Variants in DNM1 observed in about 807,000 individuals in gnomAD.
DNM1 encodes the protein dynamin 1, also known as dynamin-1.
In DNM1, 29 loss-of-function variants were observed where a neutral mutation model predicts 104.6. The observed-to-expected ratio is 0.28, with a 90% CI of 0.21 to 0.38. DNM1 has a LOEUF of 0.38. Among genes scored for constraint, DNM1 ranks in the 10% least tolerant of loss-of-function variants. The pLI is 1.00. For synonymous variants in DNM1, 445 were observed against 475.8 expected, an observed-to-expected ratio of 0.94 and a Z score of 0.84; for missense variants, 640 against 1,189.4, an observed-to-expected ratio of 0.54 and a Z score of 6.79.
chr9:128,247,478 C>T lies in DNM1; in HGVS notation c.1885C>T (p.Arg629Cys), dbSNP rs772740654. The change falls in exon 17 of 22, where the codon CGT (arginine) becomes TGT (cysteine). Residue 629 changes from arginine (R) to cysteine (C), a missense_variant. By Grantham distance (180) the Arg-to-Cys change is radical. This residue lies in a region of DNM1 where 91 missense variants were observed against 256.3 expected (regional missense o/e 0.36). Coordinates refer to ENST00000372923, the MANE Select transcript of DNM1 (RefSeq NM_004408.4). This position sits in a 1 kb window ranked among gnomAD's most constrained non-coding sequence, Gnocchi z 5.1. ...SFLRAGVYPE[R>C]VGDKEKASET... ...CCTGAGGGCTGGCGTGTACCCTGAGCGTGTTGGGGTGAGTGGCAGGGCAAG... is the reference window on the plus strand; with the variant it reads ...CCTGAGGGCTGGCGTGTACCCTGAGTGTGTTGGGGTGAGTGGCAGGGCAAG... The T allele has an allele frequency of 1.9e-6, 3 of 1,607,780 alleles. No homozygotes were observed. Among genetic ancestry groups the T allele is most frequent in the Admixed American group, 1.7e-5 (1 of 59,814 alleles).
At chr9:128,211,388 AGTGC>A (rs1834285696) in intron 1 of DNM1, among the ~76,000 whole-genome samples, 1 of 150,932 alleles carries the variant, frequency 6.6e-6, no homozygotes, top group Admixed American at 6.6e-5. Context: ...AATATATTAC[AGTGC>A]GTGGGAAAAA....
chr9:128,239,884 G>GGGCT, intron 13 of DNM1, 101 bp from the exon 14 acceptor site: 1 of 1,575,110 alleles, frequency 6.3e-7, no homozygotes, highest in Non-Finnish European at 8.7e-7. Context: ...GGGGGCCAGG[G>GGGCT]ACCTGTCAGC....
chr9:128,222,281 G>A lies in DNM1; in HGVS notation c.934G>A (p.Glu312Lys). Residue 312 changes from glutamate to lysine, a missense_variant, in exon 7 of 22, where the codon GAG becomes AAG. Physicochemically the swap from Glu to Lys is moderately conservative, Grantham distance 56. Coordinates refer to ENST00000372923, the MANE Select transcript of DNM1 (RefSeq NM_004408.4). This position sits in a 1 kb window ranked among gnomAD's most constrained non-coding sequence, Gnocchi z 7.8. The part of the protein sequence containing the change: ...SQLLSIEKEV[E>K]EYKNFRPDDP... ...GCTACTGTCCATTGAGAAGGAGGTGGAGGAATACAAGAACTTCCGCCCTGA... is the reference window on the plus strand; with the variant it reads ...GCTACTGTCCATTGAGAAGGAGGTGAAGGAATACAAGAACTTCCGCCCTGA... The A allele has an allele frequency of 6.2e-7, 1 of 1,614,194 alleles. No homozygotes were observed. The highest frequency in any genetic ancestry group is 8.5e-7 in the Non-Finnish European group (1 of 1,180,020).
rs534654827 is a variant in DNM1, at chr9:128,234,310, C to T, written c.1422+203C>T. ...ACATACCACTTTAGCCATGTTTAAG[C>T]GCACAGTTCAGTGGCACTAAGTACA... On this transcript the variant is annotated intron_variant, in intron 11 of 21. Transcript: ENST00000372923. 3.9e-5 allele frequency among the ~76,000 whole-genome samples: 6 copies of T among 152,350 alleles called. No individual in the cohort carries two copies. In the South Asian group the frequency reaches 1.2e-3, roughly 32 times the overall value.
chr9:128,247,255 C>T lies in DNM1; in HGVS notation c.1782-120C>T. 1.6e-6 allele frequency: 1 copy of T among 626,742 alleles called. No homozygotes were observed. Among genetic ancestry groups the T allele is most frequent in the Non-Finnish European group, 2.9e-6 (1 of 345,746 alleles). The allele number at this position is 626,742 out of a possible 1,614,324, so 38.8% of individuals were successfully genotyped here. ...TGAGAGGAAGGGACTTGCACAGGGT[C>T]ACACAGCTGGGAAATGAGCTGGCCT... On this transcript the variant is annotated intron_variant, in intron 16 of 21. Transcript: ENST00000372923. This position sits in a 1 kb window ranked among gnomAD's most constrained non-coding sequence, Gnocchi z 5.1.
rs768339660 is a variant in DNM1, at chr9:128,222,600, G to A, written c.1128+4G>A. ...CTTCCCTTTCGAGCTGGTCAAGGTAGGTCAGGCAGCCCTGGGGACAGGATG... is the reference window on the plus strand; with the variant it reads ...CTTCCCTTTCGAGCTGGTCAAGGTAAGTCAGGCAGCCCTGGGGACAGGATG... On this transcript the variant is annotated splice_donor_region_variant and intron_variant, in intron 8 of 21. Coordinates refer to ENST00000372923, the MANE Select transcript of DNM1 (RefSeq NM_004408.4). This position sits in a 1 kb window ranked among gnomAD's most constrained non-coding sequence, Gnocchi z 7.8. The A allele has an allele frequency of 6.2e-6, 10 of 1,614,076 alleles. No homozygotes were observed. Among genetic ancestry groups the A allele is most frequent in the South Asian group, 1.1e-5 (1 of 91,080 alleles).
intron 21 of DNM1, 177 bp downstream of exon 21, chr9:128,251,117 C>T (rs1222855599): frequency 6.2e-6 from 4 of 649,738 alleles, no homozygotes; most frequent in Non-Finnish European, 8.4e-6. Context: ...GCGGAGCCTG[C>T]CCCCGAGGGA....
In DNM1 at chr9:128,243,941, T is replaced by TTGTGTGTG. The variant is rs34446611; in HGVS notation, c.1671+1617_1671+1624dup. ...GTGGGTGCTGGGAGGCGGGGTGTGT[T>TTGTGTGTG]TGTGTGTGTGTGTGTGTGTGTGTGT... On this transcript the variant is annotated intron_variant, in intron 15 of 21. Coordinates refer to ENST00000372923, the MANE Select transcript of DNM1 (RefSeq NM_004408.4). This position sits in a 1 kb window ranked among gnomAD's most constrained non-coding sequence, Gnocchi z 4.0. 2.6e-3 allele frequency among the ~76,000 whole-genome samples: 378 copies of TTGTGTGTG among 143,826 alleles called. No homozygotes were observed. Among genetic ancestry groups the TTGTGTGTG allele is most frequent in the African/African-American group, 8.9e-3 (350 of 39,528 alleles). 94.4% of individuals were successfully genotyped at this position (143,826 alleles called of 152,430 possible).
At chr9:128,252,988 G>T (rs1200816637) in intron 21 of DNM1, 3 of 983,108 alleles carry the variant, frequency 3.1e-6, no homozygotes, top group Admixed American at 1.8e-5. Context: ...GGGCCATGGG[G>T]CCTCACAGCA....
At chr9:128,236,244 C>T (rs986751992) in intron 11 of DNM1, among the ~76,000 whole-genome samples, 1 of 152,202 alleles carries the variant, frequency 6.6e-6, no homozygotes, top group African/African-American at 2.4e-5. Flanking sequence ...CATCGTGGCC[C>T]TCACGGAGCT....
chr9:128,222,228 C>G lies in DNM1; in HGVS notation c.881C>G (p.Pro294Arg). 6.2e-7 allele frequency: 1 copy of G among 1,614,036 alleles called. No individual in the cohort carries two copies. Among genetic ancestry groups the G allele is most frequent in the Non-Finnish European group, 8.5e-7 (1 of 1,179,960 alleles). The change falls in exon 7 of 22, where the codon CCG becomes CGG. Residue 294 changes from proline (P) to arginine (R), a missense_variant. By Grantham distance (103) the Pro-to-Arg change is moderately radical (BLOSUM62 -2). Coordinates refer to ENST00000372923, the MANE Select transcript of DNM1 (RefSeq NM_004408.4). The surrounding 1 kb of genome is among the most constrained non-coding windows in gnomAD (Gnocchi z 7.8). Reference sequence around the variant, plus strand: ...ACGAACCACATCCGGGACACACTGCCGGGGCTGCGGAACAAGCTGCAGAGC... The same window carrying G: ...ACGAACCACATCCGGGACACACTGCGGGGGCTGCGGAACAAGCTGCAGAGC... ...QLTNHIRDTL[P>R]GLRNKLQSQL...
chr9:128,205,339 C>T, intron 1 of DNM1, among the ~76,000 whole-genome samples: 1 of 152,178 alleles, frequency 6.6e-6, no homozygotes, highest in East Asian at 1.9e-4. Context: ...CTGGTGATTT[C>T]AGCCCGCATC....
Position 128,203,395 on chromosome 9 carries a change from T to A in DNM1, c.-76T>A. 7.6e-7 allele frequency: 1 copy of A among 1,309,812 alleles called. No individual in the cohort carries two copies. The allele number at this position is 1,309,812 out of a possible 1,614,324, so 81.1% of individuals were successfully genotyped here. On this transcript the variant is annotated 5_prime_UTR_variant, in exon 1 of 22. Coordinates refer to ENST00000372923, the MANE Select transcript of DNM1 (RefSeq NM_004408.4). The surrounding 1 kb of genome is among the most constrained non-coding windows in gnomAD (Gnocchi z 5.3). ...GGCGCAGGCAGTCTGGGCGCGCGGCTGCAGCGGCGGAGCCGGAGTCGGAGC... is the reference window on the plus strand; with the variant it reads ...GGCGCAGGCAGTCTGGGCGCGCGGCAGCAGCGGCGGAGCCGGAGTCGGAGC...
In DNM1 at chr9:128,222,302, C is replaced by T; in HGVS notation, c.955C>T (p.Pro319Ser). Residue 319 changes from proline (P) to serine (S), a missense_variant, in exon 7 of 22, where the codon CCT (proline) becomes TCT (serine). By Grantham distance (74) the Pro-to-Ser change is moderately conservative (BLOSUM62 -1). Coordinates refer to ENST00000372923, the MANE Select transcript of DNM1 (RefSeq NM_004408.4). The surrounding 1 kb of genome is among the most constrained non-coding windows in gnomAD (Gnocchi z 7.8). ...KEVEEYKNFR[P>S]DDPARKTKAL... ...GGTGGAGGAATACAAGAACTTCCGCCCTGATGACCCAGCTCGCAAGACCAA... is the reference window on the plus strand; with the variant it reads ...GGTGGAGGAATACAAGAACTTCCGCTCTGATGACCCAGCTCGCAAGACCAA... 1 of 1,614,098 alleles carries T rather than the reference C, an allele frequency of 6.2e-7. No homozygotes were observed.
Position 128,220,728 on chromosome 9 carries a change from T to TC in DNM1, c.849+387_849+388insC, listed in dbSNP as rs1554773743. 8.7e-6 allele frequency among the ~76,000 whole-genome samples: 1 copy of TC among 115,144 alleles called. No individual in the cohort carries two copies. Among genetic ancestry groups the TC allele is most frequent in the Admixed American group, 7.8e-5 (1 of 12,830 alleles). 75.5% of individuals were successfully genotyped at this position (115,144 alleles called of 152,430 possible). ...TGGAATGGGGCATCCAGAACTGAAG[T>TC]GCGCGCGCGCGCGCGTGTGTGTGTG... On this transcript the variant is annotated intron_variant, in intron 6 of 21. Coordinates refer to ENST00000372923, the MANE Select transcript of DNM1 (RefSeq NM_004408.4). This position sits in a 1 kb window ranked among gnomAD's most constrained non-coding sequence, Gnocchi z 5.2.
At chr9:128,251,091 G>A in intron 21 of DNM1, 151 bp downstream of exon 21, 8 of 664,682 alleles carry the variant, frequency 1.2e-5, no homozygotes, top group East Asian at 2.9e-5. Flanking sequence ...GCCACGCCAC[G>A]TGTGGCCGAG....
Position 128,203,419 on chromosome 9 carries a change from G to C in DNM1, c.-52G>C. 7.2e-7 allele frequency: 1 copy of C among 1,394,796 alleles called. No individual in the cohort carries two copies. The highest frequency in any genetic ancestry group is 9.3e-7 in the Non-Finnish European group (1 of 1,071,302). 86.4% of individuals were successfully genotyped at this position (1,394,796 alleles called of 1,614,324 possible). A position where few individuals can be genotyped will look rare whatever the true frequency, so the allele number is the denominator to read the frequency against. ...CTGCAGCGGCGGAGCCGGAGTCGGA[G>C]CCGGGAGCGCTAGCGGCAGCCGGAT... On this transcript the variant is annotated 5_prime_UTR_variant, in exon 1 of 22. Coordinates refer to ENST00000372923, the MANE Select transcript of DNM1 (RefSeq NM_004408.4). This position sits in a 1 kb window ranked among gnomAD's most constrained non-coding sequence, Gnocchi z 5.3.
intron 4 of DNM1, 130 bp downstream of exon 4, chr9:128,219,382 T>C (rs940741337): frequency 2.8e-5 from 24 of 850,432 alleles, no homozygotes; most frequent in Middle Eastern, 3.2e-4. Context: ...AAAAATCACT[T>C]TGGGGGTCAG....
chr9:128,220,458 T>G lies in DNM1; in HGVS notation c.849+117T>G. ...CTCTCCGTAGTGCAGATAGACAAAC[T>G]GAGCCTCAGAAAAGCAAAGCAACTT... On this transcript the variant is annotated intron_variant, in intron 6 of 21. Coordinates refer to ENST00000372923, the MANE Select transcript of DNM1 (RefSeq NM_004408.4). The surrounding 1 kb of genome is among the most constrained non-coding windows in gnomAD (Gnocchi z 5.2). The G allele has an allele frequency of 7.4e-7, 1 of 1,344,046 alleles. No individual in the cohort carries two copies. The highest frequency in any genetic ancestry group is 1.0e-6 in the Non-Finnish European group (1 of 990,568). 83.3% of individuals were successfully genotyped at this position (1,344,046 alleles called of 1,614,324 possible).
Sources: allele counts gnomAD v4.1 joint callset (sites outside exome capture counted in the v4.1 genomes callset), GRCh38; gene constraint gnomAD v4.1.1; regional missense constraint gnomAD v4.1.1; non-coding constraint Gnocchi (gnomAD v3.1); transcripts MANE v1.5; gene names NCBI Gene and HGNC (gene_info 2026-07-23, HGNC 2026-07-21).